CHODL: variants seen among roughly 807,000 people sequenced by gnomAD.
CHODL encodes transmembrane protein MT75.
A neutral mutation model predicts 34.5 loss-of-function variants in CHODL; 29 were observed. That is an observed-to-expected ratio of 0.84 (90% confidence interval 0.63 to 1.15). The LOEUF (loss-of-function observed/expected upper bound fraction) is 1.15. Ranked by LOEUF, CHODL falls within the 50% of genes most tolerant of loss-of-function variation. The pLI is 0.00. For synonymous variants in CHODL, 125 were observed against 116.1 expected (o/e 1.08, Z -0.49); for missense variants, 332 against 332.5 (o/e 1.00, Z 0.01).
intron 2 of CHODL, among the ~76,000 whole-genome samples, chr21:18,060,983 T>C (rs1200775679): frequency 1.3e-5 from 2 of 152,178 alleles, no homozygotes; most frequent in Non-Finnish European, 2.9e-5. Flanking sequence ...TGTTCCAGCG[T>C]TGTATTTCCC....
intron 1 of CHODL, among the ~76,000 whole-genome samples, chr21:17,926,290 A>G (rs1178749588): frequency 2.0e-5 from 3 of 152,096 alleles, no homozygotes; most frequent in African/African-American, 7.2e-5. Flanking sequence ...CAACAGAATT[A>G]TACTTGCCTA....
At chr21:18,204,572 A>G (rs2073691910) in intron 2 of CHODL, among the ~76,000 whole-genome samples, 1 of 152,138 alleles carries the variant, frequency 6.6e-6, no homozygotes, top group African/African-American at 2.4e-5. Flanking sequence ...GTCAGTAATG[A>G]TACTAATACT....
intron 2 of CHODL, among the ~76,000 whole-genome samples, chr21:18,184,665 A>G (rs2073419802): frequency 6.6e-6 from 1 of 152,178 alleles, no homozygotes; most frequent in Non-Finnish European, 1.5e-5. Flanking sequence ...GGAGGGAGAA[A>G]CTTCTGTAAA....
intron 2 of CHODL, among the ~76,000 whole-genome samples, chr21:18,033,134 T>C (rs2064267449): frequency 6.6e-6 from 1 of 151,970 alleles, no homozygotes; most frequent in Non-Finnish European, 1.5e-5. Context: ...GCTGAACTGA[T>C]AGGATGATAT....
At chr21:18,003,545 A>G (rs2063931314) in intron 1 of CHODL, among the ~76,000 whole-genome samples, 1 of 152,140 alleles carries the variant, frequency 6.6e-6, no homozygotes, top group African/African-American at 2.4e-5. Context: ...ATTTAACAGT[A>G]TATTGAAGGG....
intron 2 of CHODL, among the ~76,000 whole-genome samples, chr21:18,061,644 T>G (rs1209206060): frequency 6.6e-6 from 1 of 152,182 alleles, no homozygotes; most frequent in Non-Finnish European, 1.5e-5. Flanking sequence ...ACAATTGCAC[T>G]TGTCAACATG....
chr21:17,968,526 A>T (rs1220006263), intron 1 of CHODL, among the ~76,000 whole-genome samples: 1 of 152,172 alleles, frequency 6.6e-6, no homozygotes, highest in Non-Finnish European at 1.5e-5. Flanking sequence ...TTCCCCCTTT[A>T]ATTAGATTCT....
At chr21:18,136,742 A>G (rs898957177) in intron 2 of CHODL, among the ~76,000 whole-genome samples, 4 of 145,768 alleles carry the variant, frequency 2.7e-5, no homozygotes, top group Non-Finnish European at 6.0e-5. Flanking sequence ...ATATATATAT[A>G]TATATATATA....
chr21:17,917,436 T>A (rs2063148818), intron 1 of CHODL: 1 of 152,094 alleles, frequency 6.6e-6, no homozygotes, highest in Admixed American at 6.5e-5. Flanking sequence ...TCTATATCCT[T>A]ATACTATTTG....
chr21:17,998,208 A>G (rs1181944791), intron 1 of CHODL, among the ~76,000 whole-genome samples: 2 of 152,220 alleles, frequency 1.3e-5, no homozygotes, highest in African/African-American at 4.8e-5. Flanking sequence ...TAAAGCTCCA[A>G]AATGATCTCC....
At chr21:18,210,583 A>T (rs1300530070) in intron 2 of CHODL, among the ~76,000 whole-genome samples, 2 of 152,152 alleles carry the variant, frequency 1.3e-5, no homozygotes, top group Non-Finnish European at 2.9e-5. Flanking sequence ...TGCTCAGGTT[A>T]AAAACTCTGA....
intron 2 of CHODL, among the ~76,000 whole-genome samples, chr21:18,177,747 A>G (rs2073333941): frequency 1.3e-5 from 2 of 152,160 alleles, no homozygotes; most frequent in African/African-American, 4.8e-5. Flanking sequence ...TATATTATCT[A>G]CTTGACAACA....
At position 18,245,299 on chromosome 21, in the gene CHODL, A is replaced by G. The variant is rs2074125782; in HGVS notation, c.76A>G (p.Ser26Gly). 1 of 1,523,858 alleles carries G rather than the reference A, an allele frequency of 6.6e-7. No individual in the cohort carries two copies. Among genetic ancestry groups the G allele is most frequent in the Middle Eastern group, 1.8e-4 (1 of 5,542 alleles). 94.4% of individuals were successfully genotyped at this position (1,523,858 alleles called of 1,614,324 possible). A position where few individuals can be genotyped will look rare whatever the true frequency, so the allele number is the denominator to read the frequency against. Reference sequence around the variant, plus strand: ...CGGAGCCTTCTGCCGCCGCGTGGTCAGCGGTGAGTCAGGGGCCGTCTCCCC... The same window carrying G: ...CGGAGCCTTCTGCCGCCGCGTGGTCGGCGGTGAGTCAGGGGCCGTCTCCCC... ...GHGAFCRRVV[S>G]GQKVCFADFK... The change falls in exon 1 of 6, where the codon AGC becomes GGC. Residue 26 changes from serine (S) to glycine (G), a missense_variant. Coordinates refer to ENST00000299295, the MANE Select transcript of CHODL (RefSeq NM_024944.3).
intron 2 of CHODL, among the ~76,000 whole-genome samples, chr21:18,083,428 C>A (rs1049596197): frequency 1.3e-5 from 2 of 152,198 alleles, no homozygotes; most frequent in African/African-American, 4.8e-5. Context: ...CACTGGCACA[C>A]TGCCTAGTGG....
chr21:17,920,422 T>G (rs886659174), intron 1 of CHODL, among the ~76,000 whole-genome samples: 1 of 152,166 alleles, frequency 6.6e-6, no homozygotes, highest in African/African-American at 2.4e-5. Context: ...AAACTCTCAT[T>G]TTTAAAACCA....
rs111554189 is a variant in CHODL, at chr21:18,262,228, GT to G, written c.635-558del. Among the ~76,000 whole-genome samples the G allele has an allele frequency of 1.8e-3, 271 of 152,146 alleles. 1 individual carries two copies. Among genetic ancestry groups the G allele is most frequent in the African/African-American group, 6.3e-3 (261 of 41,498 alleles). ...TCAATTTTCCGTTCAGTAAAATTTTGTTTTTAACTTTTACCAAAACATGAAT... is the reference window on the plus strand; with the variant it reads ...TCAATTTTCCGTTCAGTAAAATTTTGTTTTAACTTTTACCAAAACATGAAT... On this transcript the variant is annotated intron_variant, in intron 4 of 5. Transcript: ENST00000299295.
intron 1 of CHODL, among the ~76,000 whole-genome samples, chr21:17,976,195 C>T (rs1037398039): frequency 1.4e-5 from 2 of 141,496 alleles, no homozygotes; most frequent in Non-Finnish European, 3.0e-5. Context: ...TGCTTGAGCC[C>T]AGGAGGCGGA....
chr21:18,256,878 G>A, intron 2 of CHODL, 60 bp downstream of exon 2: 1 of 1,582,234 alleles, frequency 6.3e-7, no homozygotes, highest in South Asian at 1.2e-5. Flanking sequence ...ATAGAGGGAG[G>A]ACTCTGTTAC....
chr21:18,248,947 CAT>C (rs1392214634), intron 1 of CHODL, among the ~76,000 whole-genome samples: 6 of 107,152 alleles, frequency 5.6e-5, no homozygotes, highest in South Asian at 2.5e-4. Context: ...ATTATGTATA[CAT>C]ATATATGTAA....
Sources: gnomAD v4.1 joint callset for allele counts (sites outside exome capture counted in the v4.1 genomes callset) on GRCh38, gnomAD v4.1.1 for gene constraint, MANE v1.5 for transcripts, NCBI Gene and HGNC (gene_info 2026-07-23, HGNC 2026-07-21) for gene names.